The following VIRMA variants were observed in gnomAD, a reference collection of about 807,000 sequenced individuals.
VIRMA encodes the protein protein virilizer homolog.
VIRMA carries 65 observed loss-of-function variants against 182.4 expected under a neutral mutation model. The ratio of observed to expected loss-of-function variants is 0.36; its 90% CI spans 0.29 to 0.44. VIRMA has a LOEUF of 0.44. Among genes scored for constraint, VIRMA ranks in the 20% least tolerant of loss-of-function variants. VIRMA has a pLI of 1.00. For missense variants in VIRMA, 1,752 were observed against 2,158.1 expected (o/e 0.81, Z 3.73); for synonymous variants, 709 against 743.1 (o/e 0.95, Z 0.75).
At chr8:94,524,300 GTGTTTGTT>G (rs113388664) in intron 8 of VIRMA, among the ~76,000 whole-genome samples, 1 of 144,368 alleles carries the variant, frequency 6.9e-6, no homozygotes, top group Non-Finnish European at 1.5e-5. Flanking sequence ...TGCCTGGCCG[GTGTTTGTT>G]TGTTTGTTTG....
At chr8:94,496,771 A>G (rs556560179) in intron 17 of VIRMA, 1 of 256,438 alleles carries the variant, frequency 3.9e-6, no homozygotes, top group Admixed American at 5.4e-5. Context: ...TGACACACTG[A>G]TTGATGCTCA....
Position 94,552,409 on chromosome 8 carries a change from G to T in VIRMA, c.63+976C>A, listed in dbSNP as rs183432093. Among the ~76,000 whole-genome samples the T allele has an allele frequency of 1.1e-4, 16 of 152,050 alleles. No individual in the cohort carries two copies. In the East Asian group the frequency reaches 3.1e-3, roughly 29 times the overall value. ...CTACATTTTGCTAATACTGTCCTAG[G>T]CACTGGAGATACAGCTGAGAAAAAG... On this transcript the variant is annotated intron_variant, in intron 1 of 23. Coordinates refer to ENST00000297591, the MANE Select transcript of VIRMA (RefSeq NM_015496.5).
chr8:94,538,618 G>A (rs1051961283), intron 2 of VIRMA, among the ~76,000 whole-genome samples: 1 of 149,974 alleles, frequency 6.7e-6, no homozygotes, highest in Admixed American at 6.6e-5. Flanking sequence ...ATTTTTTTTT[G>A]AGACGGTGTT....
intron 2 of VIRMA, among the ~76,000 whole-genome samples, chr8:94,540,239 T>G (rs1815490198): frequency 6.6e-6 from 1 of 152,154 alleles, no homozygotes; most frequent in Non-Finnish European, 1.5e-5. Context: ...ATTTATACTA[T>G]AGTCATTCAT....
intron 4 of VIRMA, among the ~76,000 whole-genome samples, chr8:94,535,295 A>G (rs187178235): frequency 6.6e-6 from 1 of 152,308 alleles, no homozygotes; most frequent in Admixed American, 6.5e-5. Context: ...AAAAGAAATG[A>G]GAATAAAATT....
chr8:94,495,682 C>A, intron 19 of VIRMA, 49 bp downstream of exon 19: 1 of 1,545,660 alleles, frequency 6.5e-7, no homozygotes, highest in Admixed American at 1.8e-5. Flanking sequence ...TAGACTACAG[C>A]CATTTTAAAA....
rs562001504 is a variant in VIRMA, at chr8:94,522,643, T to C, written c.2022-3167A>G. Among the ~76,000 whole-genome samples the C allele has an allele frequency of 1.1e-4, 16 of 152,346 alleles. No individual in the cohort carries two copies. In the South Asian group the frequency reaches 3.1e-3, roughly 30 times the overall value. Reference sequence around the variant, plus strand: ...TCACTTCCCTTCGCCTACTAGGTCCTGTTGCCAAGTCCTAGTACTATTATA... The same window carrying C: ...TCACTTCCCTTCGCCTACTAGGTCCCGTTGCCAAGTCCTAGTACTATTATA... On this transcript the variant is annotated intron_variant, in intron 8 of 23. Coordinates refer to ENST00000297591, the MANE Select transcript of VIRMA (RefSeq NM_015496.5).
chr8:94,507,591 C>T (rs889015610), intron 15 of VIRMA, among the ~76,000 whole-genome samples: 3 of 151,838 alleles, frequency 2.0e-5, no homozygotes, highest in Admixed American at 6.6e-5. Context: ...ACCCTCTCTA[C>T]CAAAAATACA....
chr8:94,502,763 A>T (rs1814035416), intron 16 of VIRMA, among the ~76,000 whole-genome samples: 1 of 152,142 alleles, frequency 6.6e-6, no homozygotes, highest in Non-Finnish European at 1.5e-5. Context: ...AGCAATAGGA[A>T]GTACTTAAAA....
intron 2 of VIRMA, among the ~76,000 whole-genome samples, chr8:94,542,193 G>C (rs1815578956): frequency 6.6e-6 from 1 of 152,154 alleles, no homozygotes; most frequent in African/African-American, 2.4e-5. Context: ...TACAGAATAT[G>C]GTAAAGATGA....
Position 94,536,290 on chromosome 8 carries a change from G to T in VIRMA, c.315+813C>A, listed in dbSNP as rs116116960. ...CAATGATAATTTTTAGTCTAAACAG[G>T]ATGCAAAGGATTTAATACCCATCCC... On this transcript the variant is annotated intron_variant, in intron 4 of 23. Transcript: ENST00000297591. 9.5e-4 allele frequency among the ~76,000 whole-genome samples: 144 copies of T among 152,280 alleles called. 1 individual carries two copies. The highest frequency in any genetic ancestry group is 3.3e-3 in the African/African-American group (138 of 41,562).
intron 12 of VIRMA, 81 bp from the exon 13 acceptor site, chr8:94,511,810 TAATA>T (rs1317779765): frequency 5.0e-6 from 4 of 805,110 alleles, no homozygotes; most frequent in African/African-American, 3.6e-5. Flanking sequence ...AGTGAATATT[TAATA>T]TTTATGATAA....
rs191967678 is a variant in VIRMA, at chr8:94,517,413, C to T, written c.2668+375G>A. Among the ~76,000 whole-genome samples the T allele has an allele frequency of 7.2e-5, 11 of 152,212 alleles. No individual in the cohort carries two copies. In the East Asian group the frequency reaches 1.4e-3, roughly 19 times the overall value. On this transcript the variant is annotated intron_variant, in intron 10 of 23. Coordinates refer to ENST00000297591, the MANE Select transcript of VIRMA (RefSeq NM_015496.5). ...AGATGGAGTTTCACCTTGTTGGTCA[C>T]GCTGGTCTTGAACTCCTGACCTCAG...
chr8:94,546,894 C>T (rs756976425), intron 1 of VIRMA: 1 of 455,622 alleles, frequency 2.2e-6, no homozygotes, highest in South Asian at 1.5e-5. Context: ...GTCTTATAAA[C>T]AAGACTGGCT....
At chr8:94,490,307 G>A in intron 22 of VIRMA, 2 of 489,408 alleles carry the variant, frequency 4.1e-6, no homozygotes, top group Non-Finnish European at 7.1e-6. Flanking sequence ...ATGTGCCCTG[G>A]TCAGCTGACT....
At chr8:94,492,135 T>C (rs997086627) in intron 21 of VIRMA, among the ~76,000 whole-genome samples, 2 of 152,180 alleles carry the variant, frequency 1.3e-5, no homozygotes, top group African/African-American at 4.8e-5. Flanking sequence ...TCACTTCTTA[T>C]TCAAACCTTC....
In VIRMA at chr8:94,535,137, C is replaced by T. The variant is rs1299793846; in HGVS notation, c.316-130G>A. ...GTATGCTGAAAATGCAAAGTCAACA[C>T]AAAGTGAAATTTACCTAGGCACAGC... is the stretch of plus-strand genomic sequence containing the variant. On this transcript the variant is annotated intron_variant, in intron 4 of 23. Transcript: ENST00000297591. 2.7e-5 allele frequency: 37 copies of T among 1,371,102 alleles called. No individual in the cohort carries two copies. In the East Asian group the frequency reaches 3.8e-4, roughly 14 times the overall value. 84.9% of individuals were successfully genotyped at this position (1,371,102 alleles called of 1,614,324 possible).
intron 7 of VIRMA, 77 bp from the exon 8 acceptor site, chr8:94,527,440 A>G (rs1171351294): frequency 1.0e-5 from 9 of 904,096 alleles, no homozygotes; most frequent in Middle Eastern, 3.6e-4. Flanking sequence ...AACAAGAAAT[A>G]GTTTTAATAA....
chr8:94,552,907 AAGT>A (rs1816051206), intron 1 of VIRMA, among the ~76,000 whole-genome samples: 1 of 152,126 alleles, frequency 6.6e-6, no homozygotes, highest in Non-Finnish European at 1.5e-5. Flanking sequence ...ATCCTAAACC[AAGT>A]AAGTGTCACA....
Sources: gnomAD v4.1 joint callset for allele counts (sites outside exome capture counted in the v4.1 genomes callset) on GRCh38, gnomAD v4.1.1 for gene constraint, MANE v1.5 for transcripts, NCBI Gene and HGNC (gene_info 2026-07-23, HGNC 2026-07-21) for gene names.